Variants in PRR5 observed in about 807,000 individuals in gnomAD.
PRR5 encodes proline rich 5.
PRR5 carries 25 observed loss-of-function variants against 30.6 expected under a neutral mutation model. The ratio of observed to expected loss-of-function variants is 0.82; its 90% confidence interval spans 0.60 to 1.14. The LOEUF (loss-of-function observed/expected upper bound fraction) is 1.14. Among genes scored for constraint, PRR5 ranks in the 50% most tolerant of loss-of-function variants. The pLI, the probability that PRR5 is intolerant of heterozygous loss-of-function variation, is 0.00. For synonymous variants in PRR5, 286 were observed against 247.1 expected (o/e 1.16, Z -1.48); for missense variants, 600 against 547.1 (o/e 1.10, Z -0.96).
chr22:44,726,475 C>A, intron 3 of PRR5, 102 bp from the exon 4 acceptor site: 5 of 1,552,298 alleles, frequency 3.2e-6, no homozygotes, highest in Non-Finnish European at 4.4e-6. Context: ...CCCCTTTAAG[C>A]CTTGGCTGCT....
chr22:44,680,060 C>T (rs1292481037), intron 1 of PRR5, among the ~76,000 whole-genome samples: 1 of 152,152 alleles, frequency 6.6e-6, no homozygotes, highest in African/African-American at 2.4e-5. Context: ...GATGTCAGTC[C>T]CTCCTGGGAG....
At chr22:44,684,439 C>G (rs1350778040) in intron 1 of PRR5, among the ~76,000 whole-genome samples, 1 of 152,176 alleles carries the variant, frequency 6.6e-6, no homozygotes, top group African/African-American at 2.4e-5. Context: ...TCCAGCTACT[C>G]AGGAGGCTGA....
intron 4 of PRR5, among the ~76,000 whole-genome samples, chr22:44,728,827 C>T (rs1421386389): frequency 6.6e-6 from 1 of 152,228 alleles, no homozygotes. Flanking sequence ...GGACCTTGCC[C>T]CCTGCCCCTT....
rs544800634 is a variant in PRR5, at chr22:44,736,723, C to T, written c.692-49C>T. ...AGTGAGCAGCAGGTGCCAAGGCGGG[C>T]GGGGACCCAGGTGGCCTCTGGTGTG... On this transcript the variant is annotated intron_variant, in intron 7 of 7. Transcript: ENST00000336985. 115 of 1,512,424 alleles carry T rather than the reference C, an allele frequency of 7.6e-5. 2 individuals carry two copies. The South Asian group carries it at 1.4e-3, about 18-fold the overall frequency. 93.7% of individuals were successfully genotyped at this position (1,512,424 alleles called of 1,614,324 possible). A position where few individuals can be genotyped will look rare whatever the true frequency, so the allele number is the denominator to read the frequency against.
chr22:44,710,836 G>A (rs1450970308), intron 1 of PRR5, among the ~76,000 whole-genome samples: 9 of 152,292 alleles, frequency 5.9e-5, no homozygotes, highest in African/African-American at 2.2e-4. Context: ...TGGCCAAGGT[G>A]TGGTAGATAC....
At chr22:44,682,606 A>C (rs1299281035) in intron 1 of PRR5, among the ~76,000 whole-genome samples, 1 of 152,196 alleles carries the variant, frequency 6.6e-6, no homozygotes, top group African/African-American at 2.4e-5. Flanking sequence ...CCAAGGTCAG[A>C]TTTGAATCCG....
chr22:44,702,349 C>T lies in PRR5; in HGVS notation c.-126C>T, dbSNP rs1221307709. On this transcript the variant is annotated 5_prime_UTR_variant, in exon 1 of 8. Transcript: ENST00000336985. The stretch of plus-strand genomic sequence containing the variant: ...CGGGGCGGGACCCCGCAGGACCGCT[C>T]GGCTTCCTGCTCTCGCCGGAGTTTC... The T allele has an allele frequency of 2.4e-5, 28 of 1,176,772 alleles. No homozygotes were observed. The highest frequency in any genetic ancestry group is 4.6e-5 in the Admixed American group (1 of 21,838). 72.9% of individuals were successfully genotyped at this position (1,176,772 alleles called of 1,614,324 possible). A position where few individuals can be genotyped will look rare whatever the true frequency, so the allele number is the denominator to read the frequency against.
chr22:44,694,921 A>G (rs750705814), intron 1 of PRR5, among the ~76,000 whole-genome samples: 4 of 152,128 alleles, frequency 2.6e-5, no homozygotes, highest in African/African-American at 7.2e-5. Flanking sequence ...CTGTAATCCT[A>G]GCACTTTGAG....
upstream of PRR5, among the ~76,000 whole-genome samples, chr22:44,700,194 T>G (rs957090130): frequency 6.6e-6 from 1 of 152,114 alleles, no homozygotes; most frequent in African/African-American, 2.4e-5. Flanking sequence ...CCGGGCACAG[T>G]GGTTCATTCT....
Position 44,678,324 on chromosome 22 carries a change from CTTTTT to C in PRR5, c.-11+1098_-11+1102del, listed in dbSNP as rs113676116. 9.7e-4 allele frequency among the ~76,000 whole-genome samples: 127 copies of C among 130,652 alleles called. 1 individual carries two copies. The highest frequency in any genetic ancestry group is 1.6e-3 in the Non-Finnish European group (100 of 62,310). The allele number at this position is 130,652 out of a possible 152,430, so 85.7% of individuals were successfully genotyped here. On this transcript the variant is annotated intron_variant, in intron 1 of 8. Coordinates refer to the PRR5 transcript ENST00000006251. Reference sequence around the variant, plus strand: ...TTCACCTGCTGGGCTTCTGCTGGCTCTTTTTTTTTTTTTTTTTTGAGATGGAGTTT... The same window carrying C: ...TTCACCTGCTGGGCTTCTGCTGGCTCTTTTTTTTTTTTTGAGATGGAGTTT...
chr22:44,681,714 T>C (rs1429467699), intron 1 of PRR5, among the ~76,000 whole-genome samples: 2 of 152,150 alleles, frequency 1.3e-5, no homozygotes, highest in Non-Finnish European at 2.9e-5. Context: ...TTTCCAGCCT[T>C]ATGGGACCAG....
upstream of PRR5, among the ~76,000 whole-genome samples, chr22:44,675,246 T>C (rs1923666223): frequency 1.0e-5 from 1 of 96,476 alleles, no homozygotes; most frequent in Admixed American, 9.6e-5. Flanking sequence ...CAAGACGCTG[T>C]CTCAAAAAAA....
chr22:44,731,878 CCTCA>C (rs1308249974), intron 5 of PRR5, 57 bp downstream of exon 5: 11 of 1,553,556 alleles, frequency 7.1e-6, no homozygotes. Flanking sequence ...CCCACCCTGG[CCTCA>C]CTCTACAGAG....
intron 2 of PRR5, among the ~76,000 whole-genome samples, chr22:44,720,216 C>T (rs1929722024): frequency 6.6e-6 from 1 of 152,266 alleles, no homozygotes; most frequent in Non-Finnish European, 1.5e-5. Flanking sequence ...AGCCTGTCAG[C>T]AGCAGGTCTC....
At chr22:44,723,474 C>A (rs1351306704) in intron 2 of PRR5, among the ~76,000 whole-genome samples, 1 of 152,066 alleles carries the variant, frequency 6.6e-6, no homozygotes, top group African/African-American at 2.4e-5. Context: ...AATCCCAGCA[C>A]TTTGGGAGTC....
chr22:44,728,905 G>A (rs946343749), intron 4 of PRR5, among the ~76,000 whole-genome samples: 6 of 152,202 alleles, frequency 3.9e-5, no homozygotes, highest in African/African-American at 1.4e-4. Context: ...GGAGAGCCTG[G>A]AGGAGTGGCC....
At chr22:44,689,251 G>T (rs1190595764) in intron 1 of PRR5, among the ~76,000 whole-genome samples, 1 of 152,036 alleles carries the variant, frequency 6.6e-6, no homozygotes, top group Admixed American at 6.6e-5. Context: ...GCCCACCTGC[G>T]TCCAGTTAGT....
At chr22:44,713,097 A>T (rs1045768526) in intron 1 of PRR5, among the ~76,000 whole-genome samples, 3 of 152,240 alleles carry the variant, frequency 2.0e-5, no homozygotes, top group Middle Eastern at 3.4e-3. Context: ...AGAGCTCAGG[A>T]TGCCCGGGAG....
chr22:44,679,927 A>G (rs751774729), intron 1 of PRR5: 3 of 1,536,370 alleles, frequency 2.0e-6, no homozygotes, highest in Middle Eastern at 2.0e-4. Flanking sequence ...AGGCAGGTGT[A>G]TGGGTGAGGG....
Sources: gnomAD v4.1 joint callset for allele counts (sites outside exome capture counted in the v4.1 genomes callset) on GRCh38, gnomAD v4.1.1 for gene constraint, MANE v1.5 for transcripts, NCBI Gene and HGNC (gene_info 2026-07-23, HGNC 2026-07-21) for gene names.